Variants in MVK observed in about 807,000 individuals in gnomAD.
The protein encoded by MVK is LH receptor mRNA-binding protein.
Under a neutral mutation model 43.2 loss-of-function variants are expected in MVK, and 34 were observed. The ratio of observed to expected loss-of-function variants is 0.79; its 90% CI spans 0.60 to 1.05. The LOEUF is 1.05. Among genes scored for constraint, MVK ranks in the 50% least tolerant of loss-of-function variants. The pLI is 0.00. For missense variants in MVK, 395 were observed against 504.0 expected (o/e 0.78, Z 2.07); for synonymous variants, 190 against 219.8 (o/e 0.86, Z 1.20).
chr12:109,579,098 T>C, intron 3 of MVK: 1 of 353,630 alleles, frequency 2.8e-6, no homozygotes, highest in Non-Finnish European at 5.6e-6. Flanking sequence ...ATTCTCTGTG[T>C]GTGTCTGTGT....
intron 7 of MVK, chr12:109,589,363 TGGC>T (rs920696514): frequency 5.3e-5 from 8 of 152,112 alleles, no homozygotes; most frequent in East Asian, 1.9e-4. Context: ...CGGGAGCAGA[TGGC>T]GGCTTCACAG....
At chr12:109,591,497 G>T in intron 9 of MVK, 140 bp downstream of exon 9, 1 of 788,968 alleles carries the variant, frequency 1.3e-6, no homozygotes, top group Non-Finnish European at 2.2e-6. Context: ...TATGCTCTCA[G>T]CTGGGCCCAG....
upstream of MVK, chr12:109,573,597 T>C (rs780055696): frequency 3.2e-5 from 40 of 1,259,502 alleles, 1 homozygote; most frequent in South Asian, 4.7e-4. Context: ...GGTTCGCAGT[T>C]CTCACCCCAG....
chr12:109,588,219 G>T (rs3782894), intron 7 of MVK: 82,242 of 152,128 alleles, frequency 0.54, 22,852 homozygotes, highest in African/African-American at 0.63. Context: ...GCGGTCACTG[G>T]AATCGTCAGA....
At chr12:109,584,683 G>A (rs72648007) in intron 5 of MVK, among the ~76,000 whole-genome samples, 12 of 152,180 alleles carry the variant, frequency 7.9e-5, no homozygotes, top group East Asian at 1.9e-4. Context: ...TCAGGAGTTC[G>A]AGATCAGCCT....
At position 109,591,328 on chromosome 12, in the gene MVK, C is replaced by T; in HGVS notation, c.856C>T (p.Pro286Ser). The T allele has an allele frequency of 6.2e-7, 1 of 1,614,204 alleles. No individual in the cohort carries two copies. Among genetic ancestry groups the T allele is most frequent in the Non-Finnish European group, 8.5e-7 (1 of 1,180,036 alleles). Residue 286 changes from proline (P) to serine (S), a missense_variant, in exon 9 of 11, where the codon CCA becomes TCA. Physicochemically the swap from Pro to Ser is moderately conservative, Grantham distance 74 (BLOSUM62 -1). Transcript: ENST00000228510. ...CGTGCTGGGAGAGATGGGGGAAGCC[C>T]CAGCCCCGGAGCAGTACCTCGTGCT... is the stretch of plus-strand genomic sequence containing the variant. Reference protein sequence around the residue: ...ERVLGEMGEAPAPEQYLVLEE... With the variant: ...ERVLGEMGEASAPEQYLVLEE...
At chr12:109,578,076 C>T (rs541902432) in intron 3 of MVK, among the ~76,000 whole-genome samples, 82 of 152,220 alleles carry the variant, frequency 5.4e-4, no homozygotes, top group African/African-American at 1.9e-3. Flanking sequence ...TGTTTCCTGA[C>T]TGAGGGCTGC....
intron 7 of MVK, 175 bp downstream of exon 7, chr12:109,586,974 G>A (rs1885462329): frequency 2.9e-6 from 2 of 696,322 alleles, no homozygotes; most frequent in Non-Finnish European, 5.0e-6. Context: ...GGGAAGACCT[G>A]CTCTCTCCTT....
intron 7 of MVK, chr12:109,590,334 G>C (rs905795905): frequency 3.2e-6 from 1 of 310,862 alleles, no homozygotes. Flanking sequence ...GCCGGGTTCC[G>C]CCACCTCCAG....
intron 4 of MVK, among the ~76,000 whole-genome samples, chr12:109,580,909 C>T (rs1054591403): frequency 1.3e-5 from 2 of 151,970 alleles, no homozygotes; most frequent in African/African-American, 4.8e-5. Context: ...GGAGGGAGGG[C>T]AGGCGGGGGT....
chr12:109,591,843 A>C (rs1885696695), intron 9 of MVK, among the ~76,000 whole-genome samples: 1 of 152,222 alleles, frequency 6.6e-6, no homozygotes, highest in African/African-American at 2.4e-5. Flanking sequence ...TGCCATTTGC[A>C]TAATTCTAGT....
At chr12:109,574,951 C>G (rs931657534) in intron 2 of MVK, 51 bp downstream of exon 2, 2 of 1,541,846 alleles carry the variant, frequency 1.3e-6, no homozygotes, top group Non-Finnish European at 1.8e-6. Flanking sequence ...CTCCCTGATG[C>G]TAATTTTGTA....
At position 109,595,313 on chromosome 12, in the gene MVK, G is replaced by A; in HGVS notation, c.1039+132G>A. The A allele has an allele frequency of 8.8e-7, 1 of 1,141,484 alleles. No individual in the cohort carries two copies. Among genetic ancestry groups the A allele is most frequent in the African/African-American group, 1.6e-5 (1 of 63,976 alleles). 70.7% of individuals were successfully genotyped at this position (1,141,484 alleles called of 1,614,324 possible). ...CCGCTGTGTGGCCTTGGGCAAGTTA[G>A]TTAACCTCTGGTCTTTGCTTCCTCA... On this transcript the variant is annotated intron_variant, in intron 10 of 10. Coordinates refer to ENST00000228510, the MANE Select transcript of MVK (RefSeq NM_000431.4). The surrounding 1 kb of genome is among the most constrained non-coding windows in gnomAD (Gnocchi z 5.9).
At chr12:109,588,835 G>T (rs1036188690) in intron 7 of MVK, 1 of 152,324 alleles carries the variant, frequency 6.6e-6, no homozygotes, top group African/African-American at 2.4e-5. Context: ...AAAATCAGTT[G>T]TCTGTGAGAG....
chr12:109,575,940 G>T, intron 2 of MVK, 58 bp from the exon 3 acceptor site: 1 of 1,605,760 alleles, frequency 6.2e-7, no homozygotes, highest in Non-Finnish European at 8.5e-7. Flanking sequence ...TAGCACGTGG[G>T]TCCTGGCCCC....
rs116813022 is a variant in MVK, at chr12:109,595,349, A to G, written c.1039+168A>G. On this transcript the variant is annotated intron_variant, in intron 10 of 10. Transcript: ENST00000228510. The surrounding 1 kb of genome is among the most constrained non-coding windows in gnomAD (Gnocchi z 5.9). ...GTCTTTGCTTCCTCATTGGTAAAAT[A>G]AGGATGAGAGTATCTAGCTTGCAAG... 4.7e-4 allele frequency among the ~76,000 whole-genome samples: 71 copies of G among 152,288 alleles called. No homozygotes were observed. Among genetic ancestry groups the G allele is most frequent in the African/African-American group, 1.6e-3 (68 of 41,558 alleles).
At chr12:109,588,680 G>T (rs1885547476) in intron 7 of MVK, 1 of 152,292 alleles carries the variant, frequency 6.6e-6, no homozygotes, top group Non-Finnish European at 1.5e-5. Flanking sequence ...TGGCTCTGAA[G>T]TGCTTACCTG....
rs1885853355 is a variant in MVK, at chr12:109,595,023, C to G, written c.886-5C>G. On this transcript the variant is annotated splice_region_variant and splice_polypyrimidine_tract_variant and intron_variant, in intron 9 of 10. Coordinates refer to ENST00000228510, the MANE Select transcript of MVK (RefSeq NM_000431.4). The surrounding 1 kb of genome is among the most constrained non-coding windows in gnomAD (Gnocchi z 5.9). ...AGTGGGAACAGATGGAACCTTCTCCCCTAGGAGCTCATTGACATGAACCAG... is the reference window on the plus strand; with the variant it reads ...AGTGGGAACAGATGGAACCTTCTCCGCTAGGAGCTCATTGACATGAACCAG... 1 of 1,614,058 alleles carries G rather than the reference C, an allele frequency of 6.2e-7. No individual in the cohort carries two copies. The highest frequency in any genetic ancestry group is 1.3e-5 in the African/African-American group (1 of 74,946).
At chr12:109,584,441 C>G (rs866250949) in intron 5 of MVK, among the ~76,000 whole-genome samples, 1 of 152,180 alleles carries the variant, frequency 6.6e-6, no homozygotes, top group Non-Finnish European at 1.5e-5. Context: ...ATCTCCTGGG[C>G]ATTACACAAA....
Sources: allele counts gnomAD v4.1 joint callset (sites outside exome capture counted in the v4.1 genomes callset), GRCh38; gene constraint gnomAD v4.1.1; non-coding constraint Gnocchi (gnomAD v3.1); transcripts MANE v1.5; gene names NCBI Gene and HGNC (gene_info 2026-07-23, HGNC 2026-07-21).